HDAC9: variants seen among roughly 807,000 people sequenced by gnomAD.
The protein encoded by HDAC9 is MEF-2 interacting transcription repressor (MITR) protein.
Under a neutral mutation model 139.4 loss-of-function variants are expected in HDAC9, and 41 were observed. The ratio of observed to expected loss-of-function variants is 0.29; its 90% CI spans 0.23 to 0.38. HDAC9 has a LOEUF of 0.38. Among genes scored for constraint, HDAC9 ranks in the 10% least tolerant of loss-of-function variants. The pLI, the probability that HDAC9 is intolerant of heterozygous loss-of-function variation, is 1.00. For missense variants in HDAC9, 1,147 were observed against 1,297.0 expected, an observed-to-expected ratio of 0.88 and a Z score of 1.78; for synonymous variants, 517 against 476.2, an observed-to-expected ratio of 1.09 and a Z score of -1.12.
chr7:18,832,684 A>G (rs1337952272), intron 19 of HDAC9, among the ~76,000 whole-genome samples: 3 of 152,112 alleles, frequency 2.0e-5, no homozygotes, highest in Admixed American at 2.0e-4. Context: ...ACCAATCAGT[A>G]CTTTGTATGA....
chr7:18,593,822 G>T, intron 5 of HDAC9, 86 bp from the exon 6 acceptor site: 1 of 1,397,846 alleles, frequency 7.2e-7, no homozygotes. Context: ...GCTGAGGCAC[G>T]TGTACAGCGT....
intron 2 of HDAC9, among the ~76,000 whole-genome samples, chr7:18,218,517 A>C (rs996003109): frequency 1.3e-4 from 20 of 152,150 alleles, no homozygotes; most frequent in African/African-American, 3.9e-4. Flanking sequence ...CATTGACCCT[A>C]CTAACCAACC....
chr7:18,737,021 T>C (rs559095640), intron 13 of HDAC9, among the ~76,000 whole-genome samples: 18 of 152,232 alleles, frequency 1.2e-4, no homozygotes, highest in Non-Finnish European at 1.8e-4. Flanking sequence ...TTTATTTGCA[T>C]AGAGGTGTTC....
chr7:18,831,203 C>A (rs1795833258), intron 19 of HDAC9, among the ~76,000 whole-genome samples: 1 of 152,150 alleles, frequency 6.6e-6, no homozygotes, highest in Non-Finnish European at 1.5e-5. Flanking sequence ...GGAGGATAGT[C>A]AAAAACTGTT....
At chr7:18,486,370 G>C (rs555672115) in intron 1 of HDAC9, among the ~76,000 whole-genome samples, 1 of 152,142 alleles carries the variant, frequency 6.6e-6, no homozygotes, top group Non-Finnish European at 1.5e-5. Context: ...GATCTAGAAA[G>C]TATATGATCA....
At chr7:18,892,359 A>G (rs913434142) in intron 22 of HDAC9, among the ~76,000 whole-genome samples, 1 of 152,200 alleles carries the variant, frequency 6.6e-6, no homozygotes, top group African/African-American at 2.4e-5. Context: ...GATAAACAAT[A>G]TCAACATGAT....
chr7:18,319,433 T>C (rs942236626), intron 1 of HDAC9, among the ~76,000 whole-genome samples: 1 of 152,200 alleles, frequency 6.6e-6, no homozygotes, highest in African/African-American at 2.4e-5. Flanking sequence ...CCCAGCCAGA[T>C]TTTAAAAATC....
In HDAC9 at chr7:18,910,573, A is replaced by T. The variant is rs151245747; in HGVS notation, c.2804-25236A>T. 2.7e-4 allele frequency among the ~76,000 whole-genome samples: 41 copies of T among 152,134 alleles called. 1 individual carries two copies. The East Asian group carries it at 5.6e-3, about 21-fold the overall frequency. ...AATTGCTCTGACTCGGACTTCTAGT[A>T]CTAGGTTGAATAAGAATGGTGAAAG... On this transcript the variant is annotated intron_variant, in intron 22 of 25. Coordinates refer to ENST00000686413, the MANE Select transcript of HDAC9 (RefSeq NM_178425.4).
intron 25 of HDAC9, among the ~76,000 whole-genome samples, chr7:18,988,313 G>A (rs1455480299): frequency 4.6e-5 from 7 of 151,772 alleles, no homozygotes; most frequent in Admixed American, 1.3e-4. Flanking sequence ...CCTTCATTTC[G>A]TTATGTACCC....
intron 12 of HDAC9, among the ~76,000 whole-genome samples, chr7:18,684,556 A>G (rs2022090): frequency 0.21 from 31,933 of 151,938 alleles, 4,952 homozygotes; most frequent in African/African-American, 0.44. Context: ...GTTTAAAGGC[A>G]TCTTCTGATG....
rs1465003627 is a variant in HDAC9 at position 18,100,692 on chromosome 7, T to G, written c.-97+13479T>G. Among the ~76,000 whole-genome samples, 3 of 152,210 alleles carry G rather than the reference T, an allele frequency of 2.0e-5. No homozygotes were observed. The South Asian group carries it at 6.2e-4, about 32-fold the overall frequency. ...TAATAACTGTTTTAATGACCTTGTT[T>G]GCAAATTCTAATGTCTTTTTTAGTT... On this transcript the variant is annotated intron_variant, in intron 1 of 12. Coordinates refer to the HDAC9 transcript ENST00000417496.
intron 22 of HDAC9, among the ~76,000 whole-genome samples, chr7:18,891,882 C>G (rs1800712417): frequency 6.6e-6 from 1 of 152,144 alleles, no homozygotes; most frequent in African/African-American, 2.4e-5. Flanking sequence ...TTCATTCCCT[C>G]TGGGGGTGAT....
intron 22 of HDAC9, among the ~76,000 whole-genome samples, chr7:18,894,338 A>G (rs1800975267): frequency 6.6e-6 from 1 of 152,096 alleles, no homozygotes; most frequent in South Asian, 2.1e-4. Flanking sequence ...ATGACATTGG[A>G]GCCATGAGGG....
intron 21 of HDAC9, among the ~76,000 whole-genome samples, chr7:18,847,185 G>T (rs1259753692): frequency 6.6e-6 from 1 of 152,098 alleles, no homozygotes; most frequent in Non-Finnish European, 1.5e-5. Context: ...AGGGTTAAAG[G>T]CCACTGTAGG....
intron 1 of HDAC9, among the ~76,000 whole-genome samples, chr7:18,090,282 A>G (rs1782062049): frequency 6.6e-6 from 1 of 152,214 alleles, no homozygotes; most frequent in Non-Finnish European, 1.5e-5. Context: ...AACTTCATAA[A>G]TTTATGTATT....
intron 22 of HDAC9, among the ~76,000 whole-genome samples, chr7:18,907,388 C>A (rs193261957): frequency 2.0e-5 from 3 of 152,110 alleles, no homozygotes. Flanking sequence ...ACTTAATTCA[C>A]GAGTGATGAA....
At chr7:18,574,143 C>T (rs1053695229) in intron 2 of HDAC9, among the ~76,000 whole-genome samples, 3 of 152,340 alleles carry the variant, frequency 2.0e-5, no homozygotes, top group African/African-American at 4.8e-5. Context: ...GTCATCCTGA[C>T]GAGTGTCCAG....
At chr7:18,845,830 C>G (rs1364544078) in intron 21 of HDAC9, among the ~76,000 whole-genome samples, 1 of 152,152 alleles carries the variant, frequency 6.6e-6, no homozygotes, top group Non-Finnish European at 1.5e-5. Context: ...ATGGCTGTGT[C>G]CAGGCCTCGA....
At chr7:18,677,707 C>T (rs1161111852) in intron 12 of HDAC9, among the ~76,000 whole-genome samples, 1 of 151,856 alleles carries the variant, frequency 6.6e-6, no homozygotes, top group Non-Finnish European at 1.5e-5. Context: ...TAAATTGAGG[C>T]ATGTCTTTTT....
Sources: gnomAD v4.1 joint callset for allele counts (sites outside exome capture counted in the v4.1 genomes callset) on GRCh38, gnomAD v4.1.1 for gene constraint, MANE v1.5 for transcripts, NCBI Gene and HGNC (gene_info 2026-07-23, HGNC 2026-07-21) for gene names.